ZBTB16: variants seen among roughly 807,000 people sequenced by gnomAD.
ZBTB16 encodes zinc finger and BTB domain-containing protein 16.
In ZBTB16, 8 loss-of-function variants were observed where a neutral mutation model predicts 56.8. The observed-to-expected ratio is 0.14, with a 90% CI of 0.08 to 0.25. ZBTB16 has a LOEUF of 0.25. ZBTB16 is among the 10% of genes least tolerant of loss of function. The pLI is 1.00. For missense variants in ZBTB16, 625 were observed against 903.0 expected (o/e 0.69, Z 3.95); for synonymous variants, 363 against 368.5 (o/e 0.98, Z 0.17).
chr11:114,075,269 C>G (rs751337846), intron 2 of ZBTB16, among the ~76,000 whole-genome samples: 15 of 152,206 alleles, frequency 9.9e-5, no homozygotes, highest in Non-Finnish European at 1.5e-4. Flanking sequence ...AGATTCCTCA[C>G]CACTCACTTC....
At chr11:114,232,969 A>T (rs1259302145) in intron 4 of ZBTB16, among the ~76,000 whole-genome samples, 1 of 151,938 alleles carries the variant, frequency 6.6e-6, no homozygotes, top group African/African-American at 2.4e-5. Context: ...TCCTGCTGTC[A>T]TTTTGAAAGT....
chr11:114,127,440 T>C (rs1448164258), intron 2 of ZBTB16, among the ~76,000 whole-genome samples: 1 of 152,122 alleles, frequency 6.6e-6, no homozygotes, highest in African/African-American at 2.4e-5. Context: ...CAATGTACAC[T>C]AAAGTTAGAG....
chr11:114,099,074 AAT>A (rs1940517330), intron 2 of ZBTB16, among the ~76,000 whole-genome samples: 1 of 152,204 alleles, frequency 6.6e-6, no homozygotes, highest in Non-Finnish European at 1.5e-5. Context: ...CTGGGAAATC[AAT>A]ATGTTTGCCA....
intron 2 of ZBTB16, among the ~76,000 whole-genome samples, chr11:114,088,438 G>A (rs771965782): frequency 5.1e-4 from 78 of 152,066 alleles, no homozygotes; most frequent in Non-Finnish European, 8.8e-4. Flanking sequence ...CACTGTGCCC[G>A]GCCTGGATCT....
intron 3 of ZBTB16, among the ~76,000 whole-genome samples, chr11:114,162,689 G>A (rs1396130119): frequency 6.6e-6 from 1 of 152,162 alleles, no homozygotes; most frequent in African/African-American, 2.4e-5. Context: ...CATGTTCCTT[G>A]ACTCCCTCCA....
chr11:114,081,789 G>A (rs1269206638), intron 2 of ZBTB16, among the ~76,000 whole-genome samples: 1 of 152,180 alleles, frequency 6.6e-6, no homozygotes, highest in Admixed American at 6.5e-5. Context: ...GAGAAAACAA[G>A]GAGTAACTTT....
At chr11:114,229,489 A>T (rs1310064096) in intron 4 of ZBTB16, among the ~76,000 whole-genome samples, 1 of 152,028 alleles carries the variant, frequency 6.6e-6, no homozygotes, top group East Asian at 1.9e-4. Flanking sequence ...TGCATATTAA[A>T]CTTTACGGTA....
At chr11:114,139,551 TC>T (rs141922692) in intron 2 of ZBTB16, among the ~76,000 whole-genome samples, 7 of 150,268 alleles carry the variant, frequency 4.7e-5, no homozygotes, top group Non-Finnish European at 1.0e-4. Flanking sequence ...GGTTTCCTTC[TC>T]CCCCCCCAAA....
intron 2 of ZBTB16, among the ~76,000 whole-genome samples, chr11:114,146,780 C>T (rs1245664464): frequency 4.8e-5 from 7 of 147,108 alleles, no homozygotes; most frequent in African/African-American, 1.5e-4. Context: ...ACCTGGGAGG[C>T]AGAGGTTGCA....
chr11:114,178,184 C>CA (rs549254660), intron 3 of ZBTB16, among the ~76,000 whole-genome samples: 93 of 152,228 alleles, frequency 6.1e-4, no homozygotes, highest in African/African-American at 2.0e-3. Context: ...ATATCTCTTG[C>CA]ATGCATTTGA....
chr11:114,082,477 C>A (rs1430173666), intron 2 of ZBTB16, among the ~76,000 whole-genome samples: 1 of 152,120 alleles, frequency 6.6e-6, no homozygotes, highest in Non-Finnish European at 1.5e-5. Context: ...TCTTTTTGGA[C>A]TTTATCCCGG....
chr11:114,208,497 T>G (rs1163395627), intron 4 of ZBTB16, among the ~76,000 whole-genome samples: 1 of 152,034 alleles, frequency 6.6e-6, no homozygotes, highest in Non-Finnish European at 1.5e-5. Flanking sequence ...TAGAACAGGG[T>G]AGGGTCTTTG....
chr11:114,082,013 G>A (rs1029172920), intron 2 of ZBTB16, among the ~76,000 whole-genome samples: 1 of 151,610 alleles, frequency 6.6e-6, no homozygotes, highest in African/African-American at 2.4e-5. Context: ...TGGGTGCAGT[G>A]GCTCACACCT....
intron 2 of ZBTB16, among the ~76,000 whole-genome samples, chr11:114,102,060 G>C (rs1424567864): frequency 6.6e-6 from 1 of 152,160 alleles, no homozygotes; most frequent in Non-Finnish European, 1.5e-5. Context: ...GTTGGTGTGG[G>C]TCTTGTCTGA....
chr11:114,164,071 G>T (rs1049248702), intron 3 of ZBTB16, among the ~76,000 whole-genome samples: 2 of 152,160 alleles, frequency 1.3e-5, no homozygotes, highest in Admixed American at 6.5e-5. Flanking sequence ...GATGGAGGAC[G>T]ATTGCGGCAG....
chr11:114,085,160 A>T (rs1353437617), intron 2 of ZBTB16, among the ~76,000 whole-genome samples: 1 of 152,166 alleles, frequency 6.6e-6, no homozygotes, highest in East Asian at 1.9e-4. Context: ...CAAGTAGTAC[A>T]TTTTCCATCT....
intron 3 of ZBTB16, chr11:114,180,719 C>T (rs1289345021): frequency 1.3e-5 from 2 of 152,380 alleles, no homozygotes; most frequent in South Asian, 2.1e-4. Flanking sequence ...GTGAGTTCTG[C>T]ACCCAGGAAC....
At chr11:114,223,084 G>A (rs1018097402) in intron 4 of ZBTB16, among the ~76,000 whole-genome samples, 2 of 152,188 alleles carry the variant, frequency 1.3e-5, no homozygotes, top group African/African-American at 2.4e-5. Flanking sequence ...CAAACTGTAG[G>A]TGCTCGTTGG....
In ZBTB16 at chr11:114,250,440, C is replaced by G. The variant is rs765030832; in HGVS notation, c.1907C>G (p.Thr636Arg). Residue 636 changes from threonine to arginine, a missense_variant, in exon 7 of 7, where the codon ACA (threonine) becomes AGA (arginine). Around this residue, in one of 6 missense-constraint regions of ZBTB16, gnomAD observed 40 missense variants for 93.2 expected, o/e 0.43. Coordinates refer to ENST00000335953, the MANE Select transcript of ZBTB16 (RefSeq NM_006006.6). This position sits in a 1 kb window ranked among gnomAD's most constrained non-coding sequence, Gnocchi z 6.0. ...GASPYQCTICTEYCPSLSSMQ... is the reference protein window; with the variant it reads ...GASPYQCTICREYCPSLSSMQ... ...TCGCCCTACCAGTGCACCATCTGCACAGAGTACTGCCCCAGCCTCTCCTCC... is the reference window on the plus strand; with the variant it reads ...TCGCCCTACCAGTGCACCATCTGCAGAGAGTACTGCCCCAGCCTCTCCTCC... The G allele has an allele frequency of 6.2e-7, 1 of 1,614,154 alleles. No homozygotes were observed.
Sources: allele counts gnomAD v4.1 joint callset (sites outside exome capture counted in the v4.1 genomes callset), GRCh38; gene constraint gnomAD v4.1.1; regional missense constraint gnomAD v4.1.1; non-coding constraint Gnocchi (gnomAD v3.1); transcripts MANE v1.5; gene names NCBI Gene and HGNC (gene_info 2026-07-23, HGNC 2026-07-21).